CTNNA3: variants seen among roughly 807,000 people sequenced by gnomAD.
CTNNA3 encodes catenin alpha-3.
Under a neutral mutation model 95.7 loss-of-function variants are expected in CTNNA3, and 76 were observed. The observed-to-expected ratio is 0.79, with a 90% confidence interval of 0.66 to 0.96. The LOEUF (loss-of-function observed/expected upper bound fraction) is 0.96, where lower values mean the gene tolerates loss of function less well. Among genes scored for constraint, CTNNA3 ranks in the 40% least tolerant of loss-of-function variants. The pLI is 0.00. For synonymous variants in CTNNA3, 431 were observed against 374.4 expected (o/e 1.15, Z -1.74); for missense variants, 1,191 against 1,089.8 (o/e 1.09, Z -1.31).
chr10:67,043,536 C>T (rs533265794), intron 7 of CTNNA3, among the ~76,000 whole-genome samples: 2 of 152,230 alleles, frequency 1.3e-5, no homozygotes, highest in South Asian at 4.1e-4. Context: ...GATTTCTCTG[C>T]CTAATGTGAT....
At chr10:66,109,580 G>C (rs1425580250) in intron 13 of CTNNA3, among the ~76,000 whole-genome samples, 1 of 152,138 alleles carries the variant, frequency 6.6e-6, no homozygotes, top group East Asian at 1.9e-4. Flanking sequence ...ATAGGTAGCA[G>C]GAGTAAGGGA....
chr10:66,447,945 T>C (rs1014418911), intron 11 of CTNNA3, among the ~76,000 whole-genome samples: 2 of 152,078 alleles, frequency 1.3e-5, no homozygotes, highest in Admixed American at 1.3e-4. Flanking sequence ...AGGGCTAATA[T>C]CCAGAATCTA....
At chr10:67,436,910 T>C (rs1358000236) in intron 5 of CTNNA3, among the ~76,000 whole-genome samples, 2 of 152,182 alleles carry the variant, frequency 1.3e-5, no homozygotes, top group South Asian at 2.1e-4. Flanking sequence ...TGGAAGACAG[T>C]ATGGAGATTT....
chr10:66,896,769 G>C lies in CTNNA3; in HGVS notation c.1048-121245C>G, dbSNP rs971618629. Among the ~76,000 whole-genome samples the C allele has an allele frequency of 1.5e-4, 23 of 152,112 alleles. 1 individual carries two copies. Among genetic ancestry groups the C allele is most frequent in the African/African-American group, 4.6e-4 (19 of 41,412 alleles). On this transcript the variant is annotated intron_variant, in intron 7 of 17. Coordinates refer to ENST00000433211, the MANE Select transcript of CTNNA3 (RefSeq NM_013266.4). ...CATTTCATCATCCATGGGACTTCTT[G>C]TATGCCTTTCCCTCTTCCTGAACCT... is the stretch of plus-strand genomic sequence containing the variant.
intron 8 of CTNNA3, 39 bp from the exon 9 acceptor site, chr10:66,766,455 G>T: frequency 1.9e-6 from 3 of 1,556,750 alleles, no homozygotes; most frequent in Non-Finnish European, 2.6e-6. Context: ...TTTTTTCCAG[G>T]AAATAGTTCA....
intron 13 of CTNNA3, among the ~76,000 whole-genome samples, chr10:66,119,001 C>T (rs2082456593): frequency 6.6e-6 from 1 of 152,124 alleles, no homozygotes; most frequent in African/African-American, 2.4e-5. Flanking sequence ...CTCTGTCTCT[C>T]AAAATGCTGG....
chr10:67,550,990 G>C (rs1841008983), intron 3 of CTNNA3, among the ~76,000 whole-genome samples: 1 of 152,128 alleles, frequency 6.6e-6, no homozygotes, highest in Non-Finnish European at 1.5e-5. Flanking sequence ...GGGTAGAGGA[G>C]GGTGTGGTTC....
intron 9 of CTNNA3, among the ~76,000 whole-genome samples, chr10:66,747,744 T>G (rs191679443): frequency 6.6e-6 from 1 of 152,114 alleles, no homozygotes; most frequent in Non-Finnish European, 1.5e-5. Flanking sequence ...GAATAACTAC[T>G]CTGGTGTGGG....
chr10:67,333,616 T>C (rs1039658223), intron 5 of CTNNA3, among the ~76,000 whole-genome samples: 1 of 152,180 alleles, frequency 6.6e-6, no homozygotes, highest in African/African-American at 2.4e-5. Context: ...ATAAGGCTGA[T>C]TCTAAAAAGG....
chr10:67,011,844 G>T (rs1282887387), intron 7 of CTNNA3, among the ~76,000 whole-genome samples: 1 of 152,094 alleles, frequency 6.6e-6, no homozygotes, highest in East Asian at 1.9e-4. Flanking sequence ...AGGACCTACA[G>T]GTTGCATGTG....
chr10:67,579,968 G>T (rs1034220897), intron 3 of CTNNA3, among the ~76,000 whole-genome samples: 1 of 152,264 alleles, frequency 6.6e-6, no homozygotes, highest in Admixed American at 6.5e-5. Flanking sequence ...TTTGTCAGAT[G>T]GGTAGATTGA....
chr10:66,567,596 G>A (rs750789982), intron 10 of CTNNA3, among the ~76,000 whole-genome samples: 5 of 152,058 alleles, frequency 3.3e-5, no homozygotes, highest in African/African-American at 7.2e-5. Flanking sequence ...TCTAGCCTGC[G>A]TGACAGAGCA....
rs572170309 is a variant in CTNNA3 at position 66,871,265 on chromosome 10, CA to C, written c.1048-95742del. ...ATTTAAGCTATCACTCTGCTTTATA[CA>C]AAGAAATTTAGGCTGGGCGCGGTGG... On this transcript the variant is annotated intron_variant, in intron 7 of 17. Transcript: ENST00000433211. Among the ~76,000 whole-genome samples, 110 of 152,116 alleles carry C rather than the reference CA, an allele frequency of 7.2e-4. 1 individual carries two copies. The highest frequency in any genetic ancestry group is 2.2e-3 in the African/African-American group (90 of 41,522).
At chr10:67,137,192 A>G (rs1384909295) in intron 7 of CTNNA3, among the ~76,000 whole-genome samples, 1 of 152,174 alleles carries the variant, frequency 6.6e-6, no homozygotes, top group African/African-American at 2.4e-5. Context: ...GATCGCTCTG[A>G]GGGTTACCAC....
At chr10:66,767,401 G>A (rs1055914695) in intron 8 of CTNNA3, among the ~76,000 whole-genome samples, 14 of 147,904 alleles carry the variant, frequency 9.5e-5, no homozygotes, top group Admixed American at 2.1e-4. Flanking sequence ...AGCTGAGATC[G>A]CACCACTGCA....
intron 1 of CTNNA3, among the ~76,000 whole-genome samples, chr10:67,752,685 GACAA>G (rs575730284): frequency 1.7e-4 from 26 of 152,176 alleles, no homozygotes; most frequent in African/African-American, 4.8e-4. Flanking sequence ...ACCAACAATA[GACAA>G]ACAGACAGCC....
At chr10:67,483,630 A>G (rs1159154807) in intron 5 of CTNNA3, among the ~76,000 whole-genome samples, 14 of 151,644 alleles carry the variant, frequency 9.2e-5, no homozygotes, top group Admixed American at 1.3e-4. Flanking sequence ...AGGGGGGAGG[A>G]ATAGCATTAG....
chr10:66,702,355 T>G (rs1315653802), intron 9 of CTNNA3, among the ~76,000 whole-genome samples: 1 of 151,996 alleles, frequency 6.6e-6, no homozygotes, highest in Non-Finnish European at 1.5e-5. Context: ...AAGTGAGTCC[T>G]CTAGGGATGA....
At chr10:66,641,773 T>C (rs2132380970) in intron 9 of CTNNA3, among the ~76,000 whole-genome samples, 1 of 152,282 alleles carries the variant, frequency 6.6e-6, no homozygotes, top group South Asian at 2.1e-4. Flanking sequence ...TAACTGCATC[T>C]AGCAAATAAT....
Sources: gnomAD v4.1 joint callset for allele counts (sites outside exome capture counted in the v4.1 genomes callset) on GRCh38, gnomAD v4.1.1 for gene constraint, MANE v1.5 for transcripts, NCBI Gene and HGNC (gene_info 2026-07-23, HGNC 2026-07-21) for gene names.